The following NCAM1 variants were observed in gnomAD, a reference collection of about 807,000 sequenced individuals.
The protein encoded by NCAM1 is neural cell adhesion molecule 1, also known as antigen recognized by monoclonal antibody 5.1H11.
NCAM1 carries 14 observed loss-of-function variants against 109.8 expected under a neutral mutation model. That is an observed-to-expected ratio of 0.13 (90% confidence interval 0.08 to 0.20). The LOEUF is 0.20. Among genes scored for constraint, NCAM1 ranks in the 10% least tolerant of loss-of-function variants. NCAM1 has a pLI of 1.00. For missense variants in NCAM1, 774 were observed against 1,109.9 expected (o/e 0.70, Z 4.30); for synonymous variants, 418 against 442.9 (o/e 0.94, Z 0.70).
At chr11:113,131,843 G>T (rs970714825) in intron 1 of NCAM1, among the ~76,000 whole-genome samples, 2 of 152,226 alleles carry the variant, frequency 1.3e-5, no homozygotes, top group African/African-American at 4.8e-5. Flanking sequence ...CAGCCACGTG[G>T]TTATGGCTTA....
chr11:113,232,474 T>C (rs1945041256), intron 11 of NCAM1, 120 bp downstream of exon 11: 3 of 1,117,374 alleles, frequency 2.7e-6, no homozygotes, highest in African/African-American at 1.6e-5. Flanking sequence ...AGGGAAGGCA[T>C]GGGCTAGAGA....
chr11:112,988,265 A>T (rs929906748), intron 1 of NCAM1, among the ~76,000 whole-genome samples: 2 of 152,164 alleles, frequency 1.3e-5, no homozygotes, highest in African/African-American at 4.8e-5. Context: ...TACAGCTATG[A>T]TTATTTTTAA....
At chr11:113,099,939 G>A (rs781804226) in intron 1 of NCAM1, among the ~76,000 whole-genome samples, 22 of 152,214 alleles carry the variant, frequency 1.4e-4, no homozygotes, top group Middle Eastern at 3.4e-3. Flanking sequence ...TGCCCGCCTC[G>A]GCCTCCCAGT....
In NCAM1 at chr11:113,128,149, T is replaced by C. The variant is rs137907351; in HGVS notation, c.53-74230T>C. 4.6e-3 allele frequency among the ~76,000 whole-genome samples: 701 copies of C among 152,278 alleles called. 5 individuals carry two copies. Among genetic ancestry groups the C allele is most frequent in the Middle Eastern group, 0.024 (7 of 294 alleles). ...CCAATCACTTTTGGCAACCACACTT[T>C]CTTTCCAACAGCATCTAATACGCTC... On this transcript the variant is annotated intron_variant, in intron 1 of 19. Transcript: ENST00000316851.
Position 113,273,678 on chromosome 11 carries a change from A to G in NCAM1, c.2457-1589A>G, listed in dbSNP as rs1020912741. On this transcript the variant is annotated intron_variant, in intron 19 of 19. Transcript: ENST00000316851. This position sits in a 1 kb window ranked among gnomAD's most constrained non-coding sequence, Gnocchi z 6.0. ...CTCTCCTGCTCCCGCCGCTGGGGCC[A>G]GTGGACAAGCCCCTGAGCTTGCTCC... The G allele has an allele frequency of 1.5e-4, 67 of 456,140 alleles. No homozygotes were observed. Among genetic ancestry groups the G allele is most frequent in the African/African-American group, 1.3e-3 (65 of 50,086 alleles). The allele number at this position is 456,140 out of a possible 1,614,324, so 28.3% of individuals were successfully genotyped here. A position where few individuals can be genotyped will look rare whatever the true frequency, so the allele number is the denominator to read the frequency against.
chr11:113,089,208 G>A (rs868963111), intron 1 of NCAM1, among the ~76,000 whole-genome samples: 7 of 152,204 alleles, frequency 4.6e-5, no homozygotes, highest in South Asian at 2.1e-4. Context: ...AGCTACTCGG[G>A]AGGCTGAGGC....
intron 1 of NCAM1, among the ~76,000 whole-genome samples, chr11:112,991,779 A>G (rs115041321): frequency 3.3e-5 from 5 of 152,270 alleles, no homozygotes; most frequent in African/African-American, 1.2e-4. Flanking sequence ...ATCAGTTACT[A>G]TTTGTGCATA....
chr11:113,009,449 C>T (rs914185657), intron 1 of NCAM1, among the ~76,000 whole-genome samples: 5 of 151,252 alleles, frequency 3.3e-5, no homozygotes, highest in South Asian at 4.2e-4. Flanking sequence ...CTCAGTCACC[C>T]GAGTAGCTGG....
chr11:113,270,409 T>G lies in NCAM1; in HGVS notation c.2339+14T>G. Reference sequence around the variant, plus strand: ...GGCCGCCTTCTCGTGAGTGCAGACCTGTCCACCTTGCTGAGGTTTGGGCTC... The same window carrying G: ...GGCCGCCTTCTCGTGAGTGCAGACCGGTCCACCTTGCTGAGGTTTGGGCTC... On this transcript the variant is annotated intron_variant, in intron 18 of 19. Coordinates refer to ENST00000316851, the MANE Select transcript of NCAM1 (RefSeq NM_181351.5). The G allele has an allele frequency of 6.2e-7, 1 of 1,613,484 alleles. No individual in the cohort carries two copies. Among genetic ancestry groups the G allele is most frequent in the East Asian group, 2.2e-5 (1 of 44,868 alleles).
intron 1 of NCAM1, among the ~76,000 whole-genome samples, chr11:113,093,091 A>G (rs1939426515): frequency 6.6e-6 from 1 of 152,186 alleles, no homozygotes; most frequent in South Asian, 2.1e-4. Flanking sequence ...TGAAGAACAA[A>G]CACCGAGCAT....
At chr11:113,118,740 C>T (rs1940817994) in intron 1 of NCAM1, among the ~76,000 whole-genome samples, 1 of 104,052 alleles carries the variant, frequency 9.6e-6, no homozygotes, top group African/African-American at 3.9e-5. Flanking sequence ...ACAAACGAAT[C>T]TATACAGAAA....
intron 1 of NCAM1, among the ~76,000 whole-genome samples, chr11:113,042,561 C>A (rs181340309): frequency 1.8e-3 from 270 of 152,300 alleles, no homozygotes; most frequent in South Asian, 7.1e-3. Context: ...CCTGAGCCAC[C>A]CCTAACTCTT....
chr11:113,269,729 C>T (rs1946223982), intron 17 of NCAM1: 1 of 210,964 alleles, frequency 4.7e-6, no homozygotes, highest in African/African-American at 2.3e-5. Context: ...AAGAAAGCCC[C>T]AGGAACCCTC....
intron 1 of NCAM1, among the ~76,000 whole-genome samples, chr11:113,070,154 A>T (rs1938193728): frequency 6.6e-6 from 1 of 152,110 alleles, no homozygotes. Context: ...TTGCACGTTG[A>T]TTCCTTCTCA....
chr11:113,263,584 C>T (rs17598185), intron 17 of NCAM1: 14,080 of 985,596 alleles, frequency 0.014, 130 homozygotes, highest in Non-Finnish European at 0.016. Flanking sequence ...CCTCGTATTA[C>T]GGCCAGCACC....
In NCAM1 at chr11:112,961,443, A is replaced by G; in HGVS notation, c.-170A>G. The G allele has an allele frequency of 1.3e-6, 1 of 768,254 alleles. No individual in the cohort carries two copies. The highest frequency in any genetic ancestry group is 2.4e-6 in the Non-Finnish European group (1 of 413,232). 47.6% of individuals were successfully genotyped at this position (768,254 alleles called of 1,614,324 possible). A position where few individuals can be genotyped will look rare whatever the true frequency, so the allele number is the denominator to read the frequency against. On this transcript the variant is annotated 5_prime_UTR_variant, in exon 1 of 20. Transcript: ENST00000316851. The stretch of plus-strand genomic sequence containing the variant: ...TCACTCATTCTCCGATCAGCGCGTG[A>G]ACGCAGCTCGGCTGCCGCTGGCAGG...
intron 1 of NCAM1, among the ~76,000 whole-genome samples, chr11:112,967,130 G>T (rs1950748344): frequency 6.6e-6 from 1 of 152,136 alleles, no homozygotes; most frequent in African/African-American, 2.4e-5. Context: ...ATTTGTAGCT[G>T]CAAACATGGG....
intron 1 of NCAM1, among the ~76,000 whole-genome samples, chr11:113,006,020 A>G (rs533081776): frequency 6.6e-6 from 1 of 152,040 alleles, no homozygotes; most frequent in East Asian, 1.9e-4. Context: ...AGCTTTGAGC[A>G]CTCTTCTTAT....
At chr11:113,220,602 C>CTTTTTTTTT (rs1175342641) in intron 8 of NCAM1, among the ~76,000 whole-genome samples, 2,172 of 75,594 alleles carry the variant, frequency 0.029, 419 homozygotes, top group African/African-American at 0.083. Flanking sequence ...CTCTCTCTCT[C>CTTTTTTTTT]TTTTTTTTTT....
Sources: allele counts gnomAD v4.1 joint callset (sites outside exome capture counted in the v4.1 genomes callset), GRCh38; gene constraint gnomAD v4.1.1; non-coding constraint Gnocchi (gnomAD v3.1); transcripts MANE v1.5; gene names NCBI Gene and HGNC (gene_info 2026-07-23, HGNC 2026-07-21).